The following HIBADH variants were observed in gnomAD, a reference collection of about 807,000 sequenced individuals.
HIBADH encodes 3-hydroxyisobutyrate dehydrogenase, mitochondrial.
Under a neutral mutation model 36.1 loss-of-function variants are expected in HIBADH, and 25 were observed. The ratio of observed to expected loss-of-function variants is 0.69; its 90% confidence interval spans 0.50 to 0.97. HIBADH has a LOEUF of 0.97. HIBADH is among the 50% of genes least tolerant of loss of function. HIBADH has a pLI of 0.00. For synonymous variants in HIBADH, 160 were observed against 149.5 expected (o/e 1.07, Z -0.51); for missense variants, 421 against 418.0 (o/e 1.01, Z -0.06).
At chr7:27,592,219 G>A (rs1784949521) in intron 4 of HIBADH, among the ~76,000 whole-genome samples, 1 of 152,162 alleles carries the variant, frequency 6.6e-6, no homozygotes, top group African/African-American at 2.4e-5. Context: ...TTAGTGCAAT[G>A]TGTTTTTTAT....
At chr7:27,541,905 A>C (rs1334306239) in intron 5 of HIBADH, 1 of 286,146 alleles carries the variant, frequency 3.5e-6, no homozygotes, top group Admixed American at 5.3e-5. Context: ...AGTTCACTGC[A>C]ATAGCAACAG....
chr7:27,634,790 G>C (rs1000005352), intron 2 of HIBADH, among the ~76,000 whole-genome samples: 1 of 152,344 alleles, frequency 6.6e-6, no homozygotes, highest in East Asian at 1.9e-4. Context: ...ACAGGTCTAA[G>C]GATGTTTCAC....
chr7:27,527,259 A>G (rs952262944), intron 7 of HIBADH, among the ~76,000 whole-genome samples: 5 of 152,224 alleles, frequency 3.3e-5, no homozygotes, highest in Non-Finnish European at 5.9e-5. Context: ...AACTGAAACT[A>G]CAAAAGCTTC....
At chr7:27,578,695 A>C (rs1784749718) in intron 4 of HIBADH, among the ~76,000 whole-genome samples, 2 of 152,208 alleles carry the variant, frequency 1.3e-5, no homozygotes, top group Non-Finnish European at 2.9e-5. Context: ...ATTTTTACTA[A>C]AAATAAAACC....
intron 4 of HIBADH, among the ~76,000 whole-genome samples, chr7:27,627,792 C>G (rs969926480): frequency 2.0e-5 from 3 of 152,132 alleles, no homozygotes; most frequent in African/African-American, 4.8e-5. Context: ...ACTACATATG[C>G]AGGTTCAGGT....
intron 4 of HIBADH, among the ~76,000 whole-genome samples, chr7:27,543,449 A>G (rs557195649): frequency 2.2e-4 from 33 of 152,274 alleles, no homozygotes; most frequent in African/African-American, 7.7e-4. Context: ...AGTTATAGAA[A>G]GTATACAAAA....
intron 4 of HIBADH, among the ~76,000 whole-genome samples, chr7:27,594,658 G>A (rs1451749812): frequency 6.6e-6 from 1 of 152,060 alleles, no homozygotes; most frequent in African/African-American, 2.4e-5. Flanking sequence ...ACAAGCAAAA[G>A]TAGTCTAAAA....
At chr7:27,551,547 G>A (rs1194275338) in intron 4 of HIBADH, among the ~76,000 whole-genome samples, 2 of 152,110 alleles carry the variant, frequency 1.3e-5, no homozygotes, top group Non-Finnish European at 2.9e-5. Context: ...TAGCCTTACT[G>A]AAAAGCTGAC....
At chr7:27,603,529 A>T (rs950392816) in intron 4 of HIBADH, among the ~76,000 whole-genome samples, 1 of 152,150 alleles carries the variant, frequency 6.6e-6, no homozygotes, top group Non-Finnish European at 1.5e-5. Flanking sequence ...TTGCCTATAT[A>T]TTTATAGAAA....
intron 3 of HIBADH, among the ~76,000 whole-genome samples, chr7:27,630,450 A>G (rs1039720948): frequency 1.3e-5 from 2 of 152,192 alleles, no homozygotes; most frequent in African/African-American, 4.8e-5. Flanking sequence ...CAAACTTTCC[A>G]AAGTTCTTAC....
chr7:27,526,767 C>A (rs1350090909), intron 7 of HIBADH, among the ~76,000 whole-genome samples: 1 of 151,504 alleles, frequency 6.6e-6, no homozygotes, highest in East Asian at 1.9e-4. Flanking sequence ...AATATTACTT[C>A]ATCCAATAAA....
At chr7:27,604,876 CAT>C (rs566317141) in intron 4 of HIBADH, among the ~76,000 whole-genome samples, 5 of 152,054 alleles carry the variant, frequency 3.3e-5, no homozygotes, top group African/African-American at 7.2e-5. Context: ...ACTTTGAAAA[CAT>C]ATACATTTCT....
chr7:27,577,610 A>C (rs1291956138), intron 4 of HIBADH, among the ~76,000 whole-genome samples: 1 of 152,232 alleles, frequency 6.6e-6, no homozygotes, highest in Non-Finnish European at 1.5e-5. Flanking sequence ...ACTCATTATG[A>C]AAACAAGGTT....
intron 1 of HIBADH, among the ~76,000 whole-genome samples, chr7:27,662,242 G>A (rs42088): frequency 0.26 from 38,978 of 152,066 alleles, 5,746 homozygotes; most frequent in Non-Finnish European, 0.34. Context: ...GGACTCAGGT[G>A]GTTAAACATC....
intron 4 of HIBADH, among the ~76,000 whole-genome samples, chr7:27,614,609 T>C (rs565900166): frequency 3.0e-4 from 45 of 152,342 alleles, no homozygotes; most frequent in Non-Finnish European, 5.6e-4. Flanking sequence ...ACAGTTGTCC[T>C]TGCAATAGCA....
intron 4 of HIBADH, among the ~76,000 whole-genome samples, chr7:27,602,596 A>G (rs371789820): frequency 1.4e-3 from 212 of 152,290 alleles, no homozygotes; most frequent in African/African-American, 4.9e-3. Flanking sequence ...TTTAGAAGCC[A>G]TGTTTAGAGC....
At chr7:27,621,778 C>T (rs555489569) in intron 4 of HIBADH, among the ~76,000 whole-genome samples, 7 of 152,092 alleles carry the variant, frequency 4.6e-5, no homozygotes, top group Admixed American at 6.5e-5. Context: ...GGTGACAAAG[C>T]GAGACTCGAT....
chr7:27,608,773 A>C (rs1337445782), intron 4 of HIBADH, among the ~76,000 whole-genome samples: 1 of 152,240 alleles, frequency 6.6e-6, no homozygotes, highest in African/African-American at 2.4e-5. Context: ...CCTTTATATA[A>C]ACAGGGCTCA....
At chr7:27,538,439 A>G (rs778264129) in intron 5 of HIBADH, 22 bp from the exon 6 acceptor site, 2 of 1,597,596 alleles carry the variant, frequency 1.3e-6, no homozygotes, top group South Asian at 1.1e-5. Context: ...TTGAGTACAT[A>G]TTAAATATCT....
Sources: allele counts gnomAD v4.1 joint callset (sites outside exome capture counted in the v4.1 genomes callset), GRCh38; gene constraint gnomAD v4.1.1; transcripts MANE v1.5; gene names NCBI Gene and HGNC (gene_info 2026-07-23, HGNC 2026-07-21).